The following EXOC4 variants were observed in gnomAD, a reference collection of about 807,000 sequenced individuals.
EXOC4 encodes the protein exocyst complex component 4, also known as SEC8-like 1.
EXOC4 carries 71 observed loss-of-function variants against 107.2 expected under a neutral mutation model. The observed-to-expected ratio is 0.66, with a 90% CI of 0.55 to 0.81. The LOEUF (loss-of-function observed/expected upper bound fraction) is 0.81. Among genes scored for constraint, EXOC4 ranks in the 30% least tolerant of loss-of-function variants. EXOC4 has a pLI of 0.00. For synonymous variants in EXOC4, 456 were observed against 441.2 expected (o/e 1.03, Z -0.42); for missense variants, 1,108 against 1,189.6 (o/e 0.93, Z 1.01).
Position 133,275,108 on chromosome 7 carries a change from A to G in EXOC4, c.213A>G (p.Thr71=), listed in dbSNP as rs1450691828. 20 of 1,613,618 alleles carry G rather than the reference A, an allele frequency of 1.2e-5. No homozygotes were observed. The highest frequency in any genetic ancestry group is 1.6e-5 in the Non-Finnish European group (19 of 1,179,732). ...TACAGCACTACACAGAATTGACGACAGCCATTCGCACATACCAGAGCATCA... is the reference window on the plus strand; with the variant it reads ...TACAGCACTACACAGAATTGACGACGGCCATTCGCACATACCAGAGCATCA... ...LIVQHYTELT[T]AIRTYQSITE... is the part of the protein sequence containing the mutation. The change falls in exon 2 of 18, where the codon ACA becomes ACG. Residue 71 remains threonine, a synonymous_variant. Transcript: ENST00000253861.
chr7:133,317,305 T>C lies in EXOC4; in HGVS notation c.678T>C (p.Ser226=). 6.2e-7 allele frequency: 1 copy of C among 1,613,500 alleles called. No individual in the cohort carries two copies. Among genetic ancestry groups the C allele is most frequent in the South Asian group, 1.1e-5 (1 of 91,070 alleles). ...TCAGCTCCCTCGTGAAAGATGCTTC[T>C]GTTCCTCTGATTGATGTTACAAACC... The part of the protein sequence containing the change: ...GKISSLVKDA[S]VPLIDVTNLP... The change falls in exon 5 of 18, where the codon TCT becomes TCC. Residue 226 remains serine (S), a synonymous_variant. Coordinates refer to ENST00000253861, the MANE Select transcript of EXOC4 (RefSeq NM_021807.4).
At chr7:133,825,148 G>A (rs1797670335) in intron 11 of EXOC4, among the ~76,000 whole-genome samples, 2 of 150,614 alleles carry the variant, frequency 1.3e-5, no homozygotes, top group Non-Finnish European at 3.0e-5. Flanking sequence ...CCAGGAATTC[G>A]AGACCAGCCT....
intron 17 of EXOC4, among the ~76,000 whole-genome samples, chr7:134,020,645 T>A (rs1374481351): frequency 6.6e-6 from 1 of 152,176 alleles, no homozygotes; most frequent in Admixed American, 6.5e-5. Context: ...AAATCAACCT[T>A]TAATTGTTGC....
At chr7:133,541,696 G>A (rs1188921984) in intron 9 of EXOC4, among the ~76,000 whole-genome samples, 1 of 151,742 alleles carries the variant, frequency 6.6e-6, no homozygotes, top group Admixed American at 6.6e-5. Flanking sequence ...GTAGACATGG[G>A]GGTCTTACTA....
chr7:133,407,380 T>A (rs1797245863), intron 7 of EXOC4, among the ~76,000 whole-genome samples: 1 of 152,198 alleles, frequency 6.6e-6, no homozygotes, highest in Non-Finnish European at 1.5e-5. Context: ...TATTGGAATA[T>A]CTCCATTGTT....
At chr7:133,418,260 A>G (rs1176014438) in intron 7 of EXOC4, among the ~76,000 whole-genome samples, 2 of 152,232 alleles carry the variant, frequency 1.3e-5, no homozygotes, top group African/African-American at 4.8e-5. Context: ...CCAGAAATTT[A>G]GTATTGATTA....
chr7:133,514,166 T>C (rs935122822), intron 9 of EXOC4, among the ~76,000 whole-genome samples: 2 of 146,494 alleles, frequency 1.4e-5, no homozygotes, highest in Admixed American at 1.4e-4. Flanking sequence ...TCGTTTTTTG[T>C]TTTTTTTTTT....
intron 9 of EXOC4, among the ~76,000 whole-genome samples, chr7:133,486,494 G>A (rs1584953582): frequency 6.6e-6 from 1 of 152,012 alleles, no homozygotes; most frequent in Non-Finnish European, 1.5e-5. Flanking sequence ...TATTTGTTCT[G>A]CAGCCTTAAA....
At chr7:133,358,421 C>T (rs1474502422) in intron 6 of EXOC4, among the ~76,000 whole-genome samples, 1 of 152,130 alleles carries the variant, frequency 6.6e-6, no homozygotes, top group Non-Finnish European at 1.5e-5. Context: ...GTATAAAATG[C>T]GTGTGTATAT....
intron 3 of EXOC4, among the ~76,000 whole-genome samples, chr7:133,297,025 T>A (rs1399557668): frequency 6.6e-6 from 1 of 152,216 alleles, no homozygotes; most frequent in Non-Finnish European, 1.5e-5. Flanking sequence ...AAACTTATTG[T>A]CCTTGTCTTC....
At chr7:133,902,161 A>G (rs747709573) in intron 12 of EXOC4, among the ~76,000 whole-genome samples, 2 of 152,222 alleles carry the variant, frequency 1.3e-5, no homozygotes, top group Admixed American at 6.5e-5. Flanking sequence ...TCTGTAATTT[A>G]CGTTGCTTTT....
At chr7:133,721,711 C>T (rs1795109050) in intron 10 of EXOC4, among the ~76,000 whole-genome samples, 1 of 152,134 alleles carries the variant, frequency 6.6e-6, no homozygotes, top group Non-Finnish European at 1.5e-5. Context: ...GGAGACAATG[C>T]TCCATGGATC....
chr7:133,389,570 C>T (rs1239297754), intron 7 of EXOC4, among the ~76,000 whole-genome samples: 1 of 16,390 alleles, frequency 6.1e-5, no homozygotes, highest in Non-Finnish European at 1.0e-4. Flanking sequence ...TGAAACTCCT[C>T]AAAAAAAAAA....
At chr7:133,279,264 G>A (rs1298195169) in intron 2 of EXOC4, among the ~76,000 whole-genome samples, 2 of 152,102 alleles carry the variant, frequency 1.3e-5, no homozygotes, top group East Asian at 3.9e-4. Flanking sequence ...ATTGTGAATA[G>A]TGCCGCAATA....
intron 9 of EXOC4, among the ~76,000 whole-genome samples, chr7:133,580,995 G>A (rs1159346632): frequency 6.6e-6 from 1 of 152,188 alleles, no homozygotes; most frequent in Non-Finnish European, 1.5e-5. Flanking sequence ...TTCCTTCCGA[G>A]TGCTGTATAA....
chr7:133,885,409 C>T (rs1257130821), intron 11 of EXOC4, among the ~76,000 whole-genome samples: 1 of 152,062 alleles, frequency 6.6e-6, no homozygotes, highest in African/African-American at 2.4e-5. Context: ...CAATTATACT[C>T]TCCCTCTTTT....
intron 11 of EXOC4, among the ~76,000 whole-genome samples, chr7:133,845,335 AGTGTGTGTGTGT>A (rs34845137): frequency 4.3e-5 from 6 of 138,012 alleles, no homozygotes; most frequent in South Asian, 4.7e-4. Context: ...GCAGGTTAGT[AGTGTGTGTGTGT>A]GTGTGTGTGT....
intron 9 of EXOC4, among the ~76,000 whole-genome samples, chr7:133,620,759 A>G (rs1221614830): frequency 6.6e-6 from 1 of 152,242 alleles, no homozygotes. Flanking sequence ...TGAGCTAGAT[A>G]TACTCAAATA....
intron 17 of EXOC4, among the ~76,000 whole-genome samples, chr7:134,060,260 C>T (rs1364548022): frequency 6.6e-6 from 1 of 152,190 alleles, no homozygotes; most frequent in East Asian, 1.9e-4. Context: ...GTAGGAGAAG[C>T]CACAGCAAGG....
Sources: gnomAD v4.1 joint callset for allele counts (sites outside exome capture counted in the v4.1 genomes callset) on GRCh38, gnomAD v4.1.1 for gene constraint, MANE v1.5 for transcripts, NCBI Gene and HGNC (gene_info 2026-07-23, HGNC 2026-07-21) for gene names.